The following ATP10B variants were observed in gnomAD, a reference collection of about 807,000 sequenced individuals.
The protein encoded by ATP10B is phospholipid-transporting ATPase VB.
In ATP10B, 122 loss-of-function variants were observed where a neutral mutation model predicts 141.2. The ratio of observed to expected loss-of-function variants is 0.86; its 90% CI spans 0.75 to 1.00. The LOEUF is 1.00. Ranked by LOEUF, ATP10B falls within the 50% of genes least tolerant of loss-of-function variation. The probability of loss-of-function intolerance (pLI) is 0.00; values close to 1 mark genes in which losing one functional copy is unlikely to be tolerated. For synonymous variants in ATP10B, 685 were observed against 692.0 expected (o/e 0.99, Z 0.16); for missense variants, 1,876 against 1,825.3 (o/e 1.03, Z -0.51).
At chr5:160,622,659 G>A (rs1758413576) in intron 13 of ATP10B, 74 bp from the exon 14 acceptor site, 1 of 1,359,756 alleles carries the variant, frequency 7.4e-7, no homozygotes, top group East Asian at 2.3e-5. Flanking sequence ...CACATGCCTG[G>A]GGAAAGGATG....
intron 2 of ATP10B, among the ~76,000 whole-genome samples, chr5:160,743,023 T>C (rs574298784): frequency 6.6e-5 from 10 of 152,186 alleles, no homozygotes; most frequent in Non-Finnish European, 1.3e-4. Flanking sequence ...ATAGAGGTAA[T>C]AGTGTGTATT....
intron 2 of ATP10B, among the ~76,000 whole-genome samples, chr5:160,756,963 A>G (rs1175392872): frequency 1.3e-5 from 2 of 152,088 alleles, no homozygotes; most frequent in Non-Finnish European, 2.9e-5. Context: ...TGAAATTCAA[A>G]TTATTGATTT....
chr5:160,784,709 A>C (rs1176931684), intron 2 of ATP10B, among the ~76,000 whole-genome samples: 1 of 152,116 alleles, frequency 6.6e-6, no homozygotes, highest in South Asian at 2.1e-4. Flanking sequence ...GAGGTTAGCC[A>C]AGGCTTGTGC....
rs1561673281 is a variant in ATP10B at position 160,633,921 on chromosome 5, C to T, written c.1381+433G>A. 9.3e-6 allele frequency: 3 copies of T among 323,012 alleles called. 1 individual carries two copies. Among genetic ancestry groups the T allele is most frequent in the South Asian group, 8.1e-5 (3 of 37,002 alleles). The allele number at this position is 323,012 out of a possible 1,614,324, so 20.0% of individuals were successfully genotyped here. On this transcript the variant is annotated intron_variant, in intron 12 of 25. Transcript: ENST00000327245. ...CTAAGAGATCTGTTAGAATAGAAGACATCTTCTGGATGTATTAAATCTGAC... is the reference window on the plus strand; with the variant it reads ...CTAAGAGATCTGTTAGAATAGAAGATATCTTCTGGATGTATTAAATCTGAC...
At chr5:160,856,651 G>A (rs1400504166), upstream of ATP10B, among the ~76,000 whole-genome samples, 1 of 151,716 alleles carries the variant, frequency 6.6e-6, no homozygotes, top group Non-Finnish European at 1.5e-5. Flanking sequence ...GTATGTAGAT[G>A]ATTTGAGTTG....
At chr5:160,602,731 T>C (rs749869685) in intron 20 of ATP10B, 29 bp from the exon 21 acceptor site, 7 of 1,612,882 alleles carry the variant, frequency 4.3e-6, no homozygotes, top group Non-Finnish European at 5.9e-6. Context: ...CACATCAGCT[T>C]CCATCCATGG....
upstream of ATP10B, among the ~76,000 whole-genome samples, chr5:160,853,557 T>TA (rs2127994397): frequency 6.6e-6 from 1 of 152,294 alleles, no homozygotes; most frequent in South Asian, 2.1e-4. Context: ...TCTTTCCCAT[T>TA]ATCACTTTCC....
chr5:160,670,402 G>GGC, intron 7 of ATP10B, 61 bp downstream of exon 7: 1 of 1,557,816 alleles, frequency 6.4e-7, no homozygotes, highest in South Asian at 1.1e-5. Context: ...CAATTTTCCA[G>GGC]TAGGGTAGGC....
intron 2 of ATP10B, among the ~76,000 whole-genome samples, chr5:160,734,062 C>G (rs57405759): frequency 0.098 from 12,362 of 126,690 alleles, 548 homozygotes; most frequent in Middle Eastern, 0.19. Flanking sequence ...GAGCCGATAT[C>G]ATGTCACTGC....
At chr5:160,829,616 T>C (rs553185032) in intron 1 of ATP10B, among the ~76,000 whole-genome samples, 4 of 152,272 alleles carry the variant, frequency 2.6e-5, no homozygotes, top group South Asian at 2.1e-4. Context: ...TTTTCATTTA[T>C]GTCATCTCTG....
chr5:160,618,660 A>G (rs1305292569), intron 15 of ATP10B, among the ~76,000 whole-genome samples: 2 of 152,240 alleles, frequency 1.3e-5, no homozygotes, highest in Non-Finnish European at 2.9e-5. Flanking sequence ...AGTTTCTGTC[A>G]GAGGTAATTT....
chr5:160,670,189 T>C (rs1437371545), intron 7 of ATP10B, among the ~76,000 whole-genome samples: 4 of 152,100 alleles, frequency 2.6e-5, no homozygotes, highest in African/African-American at 9.7e-5. Flanking sequence ...AGAGTATAGT[T>C]TCCTCAGTTG....
rs58517660 is a variant in ATP10B at position 160,787,105 on chromosome 5, GACACACACACACACACAC to G, written c.-575-1320_-575-1303del. Among the ~76,000 whole-genome samples the G allele has an allele frequency of 8.1e-3, 1,088 of 133,654 alleles. 13 individuals carry two copies. Among genetic ancestry groups the G allele is most frequent in the African/African-American group, 0.023 (880 of 38,124 alleles). The allele number at this position is 133,654 out of a possible 152,430, so 87.7% of individuals were successfully genotyped here. A position where few individuals can be genotyped will look rare whatever the true frequency, so the allele number is the denominator to read the frequency against. Reference sequence around the variant, plus strand: ...CTGCTCCTTGAAGGGTTTTGACACAGACACACACACACACACACACACACACACACACACACACACACA... The same window carrying G: ...CTGCTCCTTGAAGGGTTTTGACACAGACACACACACACACACACACACACA... On this transcript the variant is annotated intron_variant, in intron 1 of 25. Transcript: ENST00000327245.
At position 160,608,280 on chromosome 5, in the gene ATP10B, T is replaced by G. The variant is rs1462242549; in HGVS notation, c.2839-1194A>C. 2.0e-5 allele frequency among the ~76,000 whole-genome samples: 3 copies of G among 152,362 alleles called. No homozygotes were observed. The South Asian group carries it at 6.2e-4, about 32-fold the overall frequency. On this transcript the variant is annotated intron_variant, in intron 18 of 25. Transcript: ENST00000327245. ...GAACTCATCTGTTTTTATGGCTGCA[T>G]AGTATTCCATGGTGTATATGTGCCA...
intron 1 of ATP10B, among the ~76,000 whole-genome samples, chr5:160,800,406 G>A (rs544863729): frequency 6.6e-6 from 1 of 152,276 alleles, no homozygotes; most frequent in South Asian, 2.1e-4. Flanking sequence ...AATAATTACT[G>A]TAGCATTTAC....
Position 160,785,814 on chromosome 5 carries a change from C to A in ATP10B, c.-575-11G>T. 1 of 430,244 alleles carries A rather than the reference C, an allele frequency of 2.3e-6. No homozygotes were observed. Among genetic ancestry groups the A allele is most frequent in the South Asian group, 2.4e-5 (1 of 42,028 alleles). The allele number at this position is 430,244 out of a possible 1,614,324, so 26.7% of individuals were successfully genotyped here. On this transcript the variant is annotated splice_polypyrimidine_tract_variant and intron_variant, in intron 1 of 25. Transcript: ENST00000327245. Reference sequence around the variant, plus strand: ...CTTGTCAAAGGAAGCCTGCACGACACAGGACAGAAAAGAAATACAAAATAT... The same window carrying A: ...CTTGTCAAAGGAAGCCTGCACGACAAAGGACAGAAAAGAAATACAAAATAT...
intron 2 of ATP10B, among the ~76,000 whole-genome samples, chr5:160,744,121 T>C (rs1767652123): frequency 6.6e-6 from 1 of 152,196 alleles, no homozygotes; most frequent in African/African-American, 2.4e-5. Context: ...TTATTTACAC[T>C]GTCAGCCTCA....
chr5:160,569,447 A>G (rs781329401), intron 25 of ATP10B, 49 bp downstream of exon 25: 1 of 1,597,650 alleles, frequency 6.3e-7, no homozygotes, highest in Non-Finnish European at 8.6e-7. Context: ...TGGCTTATTA[A>G]AGGGAGATTG....
intron 15 of ATP10B, 65 bp downstream of exon 15, chr5:160,620,282 A>T (rs1337857634): frequency 2.0e-6 from 3 of 1,530,392 alleles, no homozygotes; most frequent in African/African-American, 2.8e-5. Flanking sequence ...TCTTATTACC[A>T]TTCCACACTG....
Sources: allele counts gnomAD v4.1 joint callset (sites outside exome capture counted in the v4.1 genomes callset), GRCh38; gene constraint gnomAD v4.1.1; transcripts MANE v1.5; gene names NCBI Gene and HGNC (gene_info 2026-07-23, HGNC 2026-07-21).